CACNA1D: variants seen among roughly 807,000 people sequenced by gnomAD.
CACNA1D encodes calcium voltage-gated channel subunit alpha1 D.
Under a neutral mutation model 257.1 loss-of-function variants are expected in CACNA1D, and 55 were observed. That is an observed-to-expected ratio of 0.21 (90% CI 0.17 to 0.27). The LOEUF (loss-of-function observed/expected upper bound fraction) is 0.27, where lower values mean the gene tolerates loss of function less well. CACNA1D is among the 10% of genes least tolerant of loss of function. The pLI, the probability that CACNA1D is intolerant of heterozygous loss-of-function variation, is 1.00. For missense variants in CACNA1D, 1,876 were observed against 2,784.0 expected (o/e 0.67, Z 7.34); for synonymous variants, 980 against 1,014.9 (o/e 0.97, Z 0.65).
chr3:53,694,133 A>C (rs1374735373), intron 8 of CACNA1D, among the ~76,000 whole-genome samples: 1 of 152,190 alleles, frequency 6.6e-6, no homozygotes, highest in Non-Finnish European at 1.5e-5. Context: ...CCAGGGGTCC[A>C]GGAGATCAGG....
At chr3:53,536,454 A>G (rs2107489741) in intron 3 of CACNA1D, among the ~76,000 whole-genome samples, 1 of 152,328 alleles carries the variant, frequency 6.6e-6, no homozygotes, top group South Asian at 2.1e-4. Flanking sequence ...AGCATTGTTG[A>G]AATGCATGGG....
In CACNA1D at chr3:53,803,224, C is replaced by T. The variant is rs530595995; in HGVS notation, c.5436-199C>T. Among the ~76,000 whole-genome samples, 16 of 152,292 alleles carry T rather than the reference C, an allele frequency of 1.1e-4. No individual in the cohort carries two copies. In the South Asian group the frequency reaches 2.9e-3, roughly 28 times the overall value. On this transcript the variant is annotated intron_variant, in intron 43 of 47. Coordinates refer to ENST00000350061, the MANE Select transcript of CACNA1D (RefSeq NM_001128840.3). ...CACTGAGAGAGACCCTATCCTGGCC[C>T]GCAGGCACACCACACACACAGACAC...
At chr3:53,792,027 C>G (rs1463706835) in intron 40 of CACNA1D, 1 of 152,150 alleles carries the variant, frequency 6.6e-6, no homozygotes, top group Non-Finnish European at 1.5e-5. Context: ...GCACTTTGAA[C>G]GTATAATTGC....
intron 3 of CACNA1D, among the ~76,000 whole-genome samples, chr3:53,602,771 T>C (rs114192558): frequency 1.4e-3 from 217 of 152,336 alleles, no homozygotes; most frequent in African/African-American, 4.7e-3. Flanking sequence ...TCTATACAGA[T>C]CTTTTGCCCA....
intron 20 of CACNA1D, among the ~76,000 whole-genome samples, chr3:53,736,546 A>T (rs2095059082): frequency 6.6e-6 from 1 of 152,184 alleles, no homozygotes; most frequent in Non-Finnish European, 1.5e-5. Context: ...AAGCATGTTA[A>T]CTTAGCGGTT....
chr3:53,582,657 C>G (rs2107757354), intron 3 of CACNA1D, among the ~76,000 whole-genome samples: 1 of 152,210 alleles, frequency 6.6e-6, no homozygotes, highest in Admixed American at 6.5e-5. Context: ...TGCTCAATAG[C>G]AGCAAGTTGA....
At chr3:53,802,291 T>C in intron 43 of CACNA1D, 118 bp downstream of exon 43, 1 of 898,444 alleles carries the variant, frequency 1.1e-6, no homozygotes, top group East Asian at 2.4e-5. Flanking sequence ...AAGGTTATCA[T>C]AATTCATGGC....
At chr3:53,727,034 G>A (rs188545696) in intron 15 of CACNA1D, 35 bp downstream of exon 15, 57 of 1,613,256 alleles carry the variant, frequency 3.5e-5, no homozygotes, top group East Asian at 4.5e-5. Context: ...TGTTGTTGCC[G>A]TCGTTATCTG....
chr3:53,624,906 G>A (rs72976483), intron 3 of CACNA1D, among the ~76,000 whole-genome samples: 317 of 152,298 alleles, frequency 2.1e-3, no homozygotes, highest in African/African-American at 6.8e-3. Flanking sequence ...CAGTGACAGC[G>A]AACATTGCAT....
At chr3:53,690,940 A>G (rs570150128) in intron 8 of CACNA1D, among the ~76,000 whole-genome samples, 1 of 152,312 alleles carries the variant, frequency 6.6e-6, no homozygotes, top group African/African-American at 2.4e-5. Flanking sequence ...GCCAGACTTC[A>G]TGTGCACATC....
At chr3:53,804,863 C>A in intron 44 of CACNA1D, 120 bp from the exon 45 acceptor site, 1 of 968,758 alleles carries the variant, frequency 1.0e-6, no homozygotes, top group Non-Finnish European at 1.7e-6. Flanking sequence ...GCCTTGTTCT[C>A]AGCCAATCCT....
At chr3:53,721,858 A>G (rs147317132) in intron 11 of CACNA1D, among the ~76,000 whole-genome samples, 7 of 152,190 alleles carry the variant, frequency 4.6e-5, no homozygotes, top group Non-Finnish European at 7.4e-5. Flanking sequence ...TAAATTCTGT[A>G]TGGTGATTGA....
At position 53,804,174 on chromosome 3, in the gene CACNA1D, T is replaced by G. The variant is rs190177596; in HGVS notation, c.5585+602T>G. Among the ~76,000 whole-genome samples, 18 of 152,334 alleles carry G rather than the reference T, an allele frequency of 1.2e-4. No individual in the cohort carries two copies. In the East Asian group the frequency reaches 3.3e-3, roughly 28 times the overall value. On this transcript the variant is annotated intron_variant, in intron 44 of 47. Coordinates refer to ENST00000350061, the MANE Select transcript of CACNA1D (RefSeq NM_001128840.3). ...GAAAATCGCCCTCCACCCTCTTCTCTGAACCGCACCTCACTGTGACCAGGG... is the reference window on the plus strand; with the variant it reads ...GAAAATCGCCCTCCACCCTCTTCTCGGAACCGCACCTCACTGTGACCAGGG...
chr3:53,570,567 A>G (rs1559856899), intron 3 of CACNA1D, among the ~76,000 whole-genome samples: 1 of 152,236 alleles, frequency 6.6e-6, no homozygotes, highest in Non-Finnish European at 1.5e-5. Context: ...CATGATAATT[A>G]TATCTTGATT....
chr3:53,776,364 A>C (rs1176865342), intron 35 of CACNA1D, among the ~76,000 whole-genome samples: 1 of 152,226 alleles, frequency 6.6e-6, no homozygotes, highest in African/African-American at 2.4e-5. Flanking sequence ...GGTGATAATG[A>C]AATTATAAAA....
chr3:53,756,889 C>G (rs946763045), intron 29 of CACNA1D, among the ~76,000 whole-genome samples: 1 of 152,186 alleles, frequency 6.6e-6, no homozygotes, highest in Non-Finnish European at 1.5e-5. Context: ...TTGTTTGCTG[C>G]GGTTACTGGC....
intron 3 of CACNA1D, among the ~76,000 whole-genome samples, chr3:53,605,637 C>A (rs2093499648): frequency 6.6e-6 from 1 of 152,168 alleles, no homozygotes; most frequent in Non-Finnish European, 1.5e-5. Flanking sequence ...TGTGGCCCAC[C>A]TTTAAGACAT....
chr3:53,615,055 T>C (rs1477441090), intron 3 of CACNA1D, among the ~76,000 whole-genome samples: 3 of 152,140 alleles, frequency 2.0e-5, no homozygotes, highest in Non-Finnish European at 4.4e-5. Flanking sequence ...AACAGGCAAA[T>C]AGAAAATATG....
At position 53,801,227 on chromosome 3, in the gene CACNA1D, G is replaced by A; in HGVS notation, c.5210G>A (p.Cys1737Tyr). Residue 1737 changes from cysteine to tyrosine, a missense_variant, in exon 42 of 48, where the codon TGT (cysteine) becomes TAT (tyrosine). Cys to Tyr is a radical substitution (Grantham distance 194). Coordinates refer to ENST00000350061, the MANE Select transcript of CACNA1D (RefSeq NM_001128840.3). ...TTTCCTCCAGCAGGAAATTCGGTGT[G>A]TCATAACCATCATAACCATAATTCC... ...PLFPPAGNSV[C>Y]HNHHNHNSIG... 6.2e-7 allele frequency: 1 copy of A among 1,614,072 alleles called. No individual in the cohort carries two copies. Among genetic ancestry groups the A allele is most frequent in the Non-Finnish European group, 8.5e-7 (1 of 1,179,982 alleles).
Sources: allele counts gnomAD v4.1 joint callset (sites outside exome capture counted in the v4.1 genomes callset), GRCh38; gene constraint gnomAD v4.1.1; transcripts MANE v1.5; gene names NCBI Gene and HGNC (gene_info 2026-07-23, HGNC 2026-07-21).